BTRC: variants seen among roughly 807,000 people sequenced by gnomAD.
BTRC encodes beta-transducin repeat containing E3 ubiquitin protein ligase, also known as F-box/WD repeat-containing protein 1A.
BTRC carries 42 observed loss-of-function variants against 85.5 expected under a neutral mutation model. The observed-to-expected ratio is 0.49, with a 90% CI of 0.38 to 0.64. BTRC has a LOEUF of 0.64. Among genes scored for constraint, BTRC ranks in the 30% least tolerant of loss-of-function variants. The probability of loss-of-function intolerance (pLI) is 0.00; values close to 1 mark genes in which losing one functional copy is unlikely to be tolerated. For synonymous variants in BTRC, 255 were observed against 263.3 expected, an observed-to-expected ratio of 0.97 and a Z score of 0.30; for missense variants, 594 against 743.5, an observed-to-expected ratio of 0.80 and a Z score of 2.34.
intron 1 of BTRC, among the ~76,000 whole-genome samples, chr10:101,408,954 C>A (rs186850212): frequency 3.3e-5 from 5 of 152,268 alleles, no homozygotes; most frequent in Admixed American, 2.6e-4. Flanking sequence ...GAGGCTGAGG[C>A]AGGGCAATCG....
chr10:101,408,184 A>G (rs1403435751), intron 1 of BTRC, among the ~76,000 whole-genome samples: 1 of 152,172 alleles, frequency 6.6e-6, no homozygotes, highest in Non-Finnish European at 1.5e-5. Flanking sequence ...ACTAGTGGTT[A>G]TTGTATTGGA....
intron 2 of BTRC, among the ~76,000 whole-genome samples, chr10:101,438,657 A>G (rs1944601478): frequency 6.6e-6 from 1 of 152,096 alleles, no homozygotes; most frequent in Non-Finnish European, 1.5e-5. Context: ...TATATGAGCC[A>G]TTGTTTGGGG....
At chr10:101,475,953 A>ATATATATATATATATATATTT (rs1265691229) in intron 3 of BTRC, among the ~76,000 whole-genome samples, 1 of 133,804 alleles carries the variant, frequency 7.5e-6, no homozygotes, top group African/African-American at 2.9e-5. Flanking sequence ...ATATATATAT[A>ATATATATATATATATATATTT]TTCAGTAATT....
chr10:101,368,464 CTTTTTTTTTTTTTTT>C (rs60190021), intron 1 of BTRC, among the ~76,000 whole-genome samples: 12 of 75,336 alleles, frequency 1.6e-4, no homozygotes, highest in South Asian at 6.0e-4. Context: ...AACTGTTTTT[CTTTTTTTTTTTTTTT>C]TTTTTTTTTT....
At chr10:101,488,808 G>A (rs1195601507) in intron 4 of BTRC, among the ~76,000 whole-genome samples, 2 of 152,060 alleles carry the variant, frequency 1.3e-5, no homozygotes, top group African/African-American at 2.4e-5. Flanking sequence ...CTGGTTACCA[G>A]GTACCCACCT....
At chr10:101,434,147 C>T (rs1356566196) in intron 2 of BTRC, among the ~76,000 whole-genome samples, 1 of 152,160 alleles carries the variant, frequency 6.6e-6, no homozygotes, top group Admixed American at 6.5e-5. Flanking sequence ...CTTCTGCACT[C>T]AATCTATTGT....
Position 101,424,510 on chromosome 10 carries a change from A to G in BTRC, c.49-5835A>G, listed in dbSNP as rs76988343. ...GGATACGTAAACTCTCAGTACAGCA[A>G]TCTTTTTATTGTTGATTATTATAGC... On this transcript the variant is annotated intron_variant, in intron 1 of 14. Coordinates refer to ENST00000370187, the MANE Select transcript of BTRC (RefSeq NM_033637.4). 6.5e-3 allele frequency among the ~76,000 whole-genome samples: 987 copies of G among 152,322 alleles called. 5 individuals carry two copies. The highest frequency in any genetic ancestry group is 0.01 in the Non-Finnish European group (705 of 68,030).
In BTRC at chr10:101,535,426, T is replaced by C; in HGVS notation, c.1420T>C (p.Tyr474His). The C allele has an allele frequency of 6.2e-7, 1 of 1,614,154 alleles. No individual in the cohort carries two copies. Among genetic ancestry groups the C allele is most frequent in the Non-Finnish European group, 8.5e-7 (1 of 1,180,010 alleles). The part of the protein sequence containing the change: ...GHKRGIACLQ[Y>H]RDRLVVSGSS... ...CAAACGAGGCATTGCCTGTTTGCAGTACAGGGACAGGCTGGTAGTGAGTGG... is the reference window on the plus strand; with the variant it reads ...CAAACGAGGCATTGCCTGTTTGCAGCACAGGGACAGGCTGGTAGTGAGTGG... Residue 474 changes from tyrosine (Y) to histidine (H), a missense_variant, in exon 11 of 15, where the codon TAC becomes CAC. By Grantham distance (83) the Tyr-to-His change is moderately conservative (BLOSUM62 2). Transcript: ENST00000370187.
chr10:101,416,429 G>GT (rs1943947635), intron 1 of BTRC, among the ~76,000 whole-genome samples: 1 of 152,112 alleles, frequency 6.6e-6, no homozygotes, highest in Non-Finnish European at 1.5e-5. Context: ...TCTTCACAGG[G>GT]TGTTGAATAT....
At chr10:101,354,762 T>C (rs548030429) in intron 1 of BTRC, among the ~76,000 whole-genome samples, 20 of 152,206 alleles carry the variant, frequency 1.3e-4, no homozygotes, top group Middle Eastern at 3.4e-3. Flanking sequence ...GAGAGGCTTA[T>C]AGTTTTGTAG....
intron 1 of BTRC, among the ~76,000 whole-genome samples, chr10:101,391,833 A>G (rs1405379604): frequency 2.6e-5 from 4 of 152,178 alleles, no homozygotes; most frequent in Non-Finnish European, 5.9e-5. Flanking sequence ...ATATGTGTAA[A>G]TTGTGTCCAG....
intron 1 of BTRC, among the ~76,000 whole-genome samples, chr10:101,363,344 G>A (rs1942266054): frequency 6.6e-6 from 1 of 152,222 alleles, no homozygotes; most frequent in African/African-American, 2.4e-5. Context: ...AAAACTGTGG[G>A]ATATGGTGGC....
chr10:101,502,090 G>T (rs1017443585), intron 4 of BTRC, among the ~76,000 whole-genome samples: 1 of 152,096 alleles, frequency 6.6e-6, no homozygotes. Context: ...GAGTTTTTCT[G>T]CCTATTTCTG....
At chr10:101,551,052 T>C in intron 14 of BTRC, 161 bp downstream of exon 14, 1 of 580,048 alleles carries the variant, frequency 1.7e-6, no homozygotes, top group Non-Finnish European at 2.8e-6. Context: ...TGCCACAGTG[T>C]GGACAGTGCC....
chr10:101,400,365 G>A (rs535278344), intron 1 of BTRC, among the ~76,000 whole-genome samples: 1 of 152,182 alleles, frequency 6.6e-6, no homozygotes, highest in African/African-American at 2.4e-5. Context: ...AAATTAAGGA[G>A]TACCCAAGAG....
chr10:101,535,542 A>C, intron 11 of BTRC, 70 bp downstream of exon 11: 3 of 1,030,498 alleles, frequency 2.9e-6, no homozygotes, highest in Non-Finnish European at 4.3e-6. Context: ...TGCACAGATC[A>C]TACAAGTCTT....
intron 12 of BTRC, 21 bp downstream of exon 12, chr10:101,536,674 T>G: frequency 1.3e-6 from 2 of 1,546,114 alleles, no homozygotes; most frequent in Middle Eastern, 1.7e-4. Context: ...TAACAGAGTG[T>G]AAAAAAGAGA....
intron 1 of BTRC, among the ~76,000 whole-genome samples, chr10:101,401,743 C>T (rs911530081): frequency 6.7e-5 from 10 of 149,922 alleles, no homozygotes; most frequent in Non-Finnish European, 1.3e-4. Flanking sequence ...GAGGCTGAGT[C>T]GGGAGGATCT....
intron 3 of BTRC, among the ~76,000 whole-genome samples, chr10:101,475,780 G>A (rs1453094476): frequency 6.6e-6 from 1 of 150,956 alleles, no homozygotes; most frequent in African/African-American, 2.4e-5. Flanking sequence ...TAATGTGGAA[G>A]GAAAGACAAA....
Sources: allele counts gnomAD v4.1 joint callset (sites outside exome capture counted in the v4.1 genomes callset), GRCh38; gene constraint gnomAD v4.1.1; transcripts MANE v1.5; gene names NCBI Gene and HGNC (gene_info 2026-07-23, HGNC 2026-07-21).